Variants in CEP85L observed in about 807,000 individuals in gnomAD.
The protein encoded by CEP85L is centrosomal protein of 85 kDa-like.
In CEP85L, 60 loss-of-function variants were observed where a neutral mutation model predicts 100.3. The observed-to-expected ratio is 0.60, with a 90% CI of 0.49 to 0.74. The LOEUF (loss-of-function observed/expected upper bound fraction) is 0.74. Ranked by LOEUF, CEP85L falls within the 30% of genes least tolerant of loss-of-function variation. The pLI is 0.00. For missense variants in CEP85L, 973 were observed against 936.2 expected, an observed-to-expected ratio of 1.04 and a Z score of -0.51; for synonymous variants, 319 against 322.7, an observed-to-expected ratio of 0.99 and a Z score of 0.12.
rs140939622 is a variant in CEP85L, at chr6:118,573,677, C to T, written c.233-7361G>A. Among the ~76,000 whole-genome samples, 566 of 151,536 alleles carry T rather than the reference C, an allele frequency of 3.7e-3. 3 individuals are homozygous for T. The highest frequency in any genetic ancestry group is 0.013 in the African/African-American group (540 of 41,048). ...CAGTAGAGAATAAAGATTCTGATTACCATTATAGATAGATGGGTATATATT... is the reference window on the plus strand; with the variant it reads ...CAGTAGAGAATAAAGATTCTGATTATCATTATAGATAGATGGGTATATATT... On this transcript the variant is annotated intron_variant, in intron 2 of 12. Transcript: ENST00000368491.
chr6:118,640,127 G>A (rs1444139715), intron 1 of CEP85L, among the ~76,000 whole-genome samples: 1 of 151,930 alleles, frequency 6.6e-6, no homozygotes, highest in African/African-American at 2.4e-5. Context: ...TAAACGGTAA[G>A]AAAAAAACGT....
chr6:118,674,843 C>A (rs1776431165), intron 1 of CEP85L, among the ~76,000 whole-genome samples: 1 of 152,152 alleles, frequency 6.6e-6, no homozygotes, highest in South Asian at 2.1e-4. Context: ...AAATTGGAAT[C>A]CTCATACACT....
intron 6 of CEP85L, among the ~76,000 whole-genome samples, chr6:118,487,207 A>C (rs954874488): frequency 3.3e-5 from 5 of 152,218 alleles, no homozygotes; most frequent in African/African-American, 9.6e-5. Flanking sequence ...CACTCTGTGT[A>C]AAGATCCTGA....
intron 5 of CEP85L, among the ~76,000 whole-genome samples, chr6:118,496,443 C>T (rs990705954): frequency 3.3e-5 from 5 of 149,500 alleles, no homozygotes; most frequent in Non-Finnish European, 5.9e-5. Flanking sequence ...CAACCTCCAC[C>T]CCCGGGGTTC....
At chr6:118,626,709 ACT>A (rs561063569) in intron 2 of CEP85L, among the ~76,000 whole-genome samples, 1 of 151,100 alleles carries the variant, frequency 6.6e-6, no homozygotes. Flanking sequence ...CCTACAGCTC[ACT>A]CTCTCTCTCA....
intron 4 of CEP85L, among the ~76,000 whole-genome samples, chr6:118,514,541 A>G (rs1256102292): frequency 7.4e-6 from 1 of 135,108 alleles, no homozygotes; most frequent in Admixed American, 7.0e-5. Context: ...AAAAAAAAAA[A>G]AAGAAAACAA....
chr6:118,672,910 GGGA>G (rs887033119), intron 1 of CEP85L, among the ~76,000 whole-genome samples: 14 of 151,690 alleles, frequency 9.2e-5, no homozygotes, highest in Non-Finnish European at 1.8e-4. Context: ...AAGAGGAGGA[GGGA>G]GGAGGAGGAG....
At chr6:118,560,825 T>C (rs530813789) in intron 3 of CEP85L, 2 of 153,726 alleles carry the variant, frequency 1.3e-5, no homozygotes, top group East Asian at 1.9e-4. Flanking sequence ...CACCAAACTT[T>C]GGTAATTTAA....
chr6:118,707,172 C>T (rs1233057849), intron 1 of CEP85L, among the ~76,000 whole-genome samples: 6 of 150,138 alleles, frequency 4.0e-5, no homozygotes, highest in Non-Finnish European at 8.9e-5. Context: ...GTTTCCTTCT[C>T]ATATTCCTCC....
At chr6:118,527,855 T>G (rs73524186) in intron 3 of CEP85L, among the ~76,000 whole-genome samples, 1,813 of 152,288 alleles carry the variant, frequency 0.012, 39 homozygotes, top group African/African-American at 0.042. Flanking sequence ...CTAATAACAG[T>G]TGACATGTAC....
intron 1 of CEP85L, among the ~76,000 whole-genome samples, chr6:118,704,429 G>A (rs1354871902): frequency 2.0e-5 from 3 of 152,108 alleles, no homozygotes; most frequent in African/African-American, 7.2e-5. Flanking sequence ...GCACCCTGGT[G>A]TGACCTCACA....
chr6:118,550,005 T>C (rs1778447993), intron 3 of CEP85L, among the ~76,000 whole-genome samples: 1 of 151,930 alleles, frequency 6.6e-6, no homozygotes, highest in Non-Finnish European at 1.5e-5. Context: ...TTAAGTATTA[T>C]CTTTGTTTAT....
intron 2 of CEP85L, among the ~76,000 whole-genome samples, chr6:118,632,047 T>C (rs2115320562): frequency 6.6e-6 from 1 of 152,320 alleles, no homozygotes; most frequent in Middle Eastern, 3.4e-3. Context: ...TGGAGTGCAG[T>C]GGCACGATCT....
rs182789166 is a variant in CEP85L at position 118,499,217 on chromosome 6, C to A, written c.1258-7352G>T. Among the ~76,000 whole-genome samples the A allele has an allele frequency of 2.6e-5, 4 of 152,182 alleles. No homozygotes were observed. In the East Asian group the frequency reaches 7.7e-4, roughly 29 times the overall value. Reference sequence around the variant, plus strand: ...AATCAGAAAAAGTAGAGAATATCAACTAGAAAAAGTAAATCTGAAATAAAC... The same window carrying A: ...AATCAGAAAAAGTAGAGAATATCAAATAGAAAAAGTAAATCTGAAATAAAC... On this transcript the variant is annotated intron_variant, in intron 5 of 12. Transcript: ENST00000368491.
chr6:118,652,626 A>G (rs971345403), upstream of CEP85L: 1 of 1,524,810 alleles, frequency 6.6e-7, no homozygotes, highest in African/African-American at 1.4e-5. Flanking sequence ...TCCCTTAAAG[A>G]CATTTTAATT....
intron 6 of CEP85L, among the ~76,000 whole-genome samples, chr6:118,486,836 A>G (rs25421): frequency 0.72 from 109,029 of 151,978 alleles, 39,877 homozygotes; most frequent in African/African-American, 0.78. Context: ...CACCCACTCT[A>G]ACATCTTTGA....
At chr6:118,630,816 C>T (rs1294727254) in intron 2 of CEP85L, among the ~76,000 whole-genome samples, 2 of 152,186 alleles carry the variant, frequency 1.3e-5, no homozygotes, top group Non-Finnish European at 2.9e-5. Flanking sequence ...TGAGTGAGGG[C>T]AGCTGAGCAC....
At chr6:118,621,570 A>G (rs904097602) in intron 2 of CEP85L, among the ~76,000 whole-genome samples, 8 of 152,160 alleles carry the variant, frequency 5.3e-5, no homozygotes, top group African/African-American at 7.2e-5. Context: ...CAGATGACTT[A>G]CTTTGGGCTA....
At chr6:118,498,223 T>G (rs1262705366) in intron 5 of CEP85L, among the ~76,000 whole-genome samples, 1 of 152,040 alleles carries the variant, frequency 6.6e-6, no homozygotes, top group African/African-American at 2.4e-5. Context: ...TGGGAAATGG[T>G]TGGCTCATGC....
Sources: allele counts gnomAD v4.1 joint callset (sites outside exome capture counted in the v4.1 genomes callset), GRCh38; gene constraint gnomAD v4.1.1; transcripts MANE v1.5; gene names NCBI Gene and HGNC (gene_info 2026-07-23, HGNC 2026-07-21).